FHIT: variants seen among roughly 807,000 people sequenced by gnomAD.
FHIT encodes the protein bis(5'-adenosyl)-triphosphatase.
A neutral mutation model predicts 17.9 loss-of-function variants in FHIT; 19 were observed. That is an observed-to-expected ratio of 1.06 (90% confidence interval 0.74 to 1.56). The LOEUF is 1.56. FHIT is among the 40% of genes most tolerant of loss of function. FHIT has a pLI of 0.00. For missense variants in FHIT, 248 were observed against 189.2 expected (o/e 1.31, Z -1.82); for synonymous variants, 81 against 69.7 (o/e 1.16, Z -0.81).
At chr3:59,968,354 A>G (rs1708025759) in intron 7 of FHIT, among the ~76,000 whole-genome samples, 1 of 152,080 alleles carries the variant, frequency 6.6e-6, no homozygotes, top group Non-Finnish European at 1.5e-5. Context: ...AGAAACCTAT[A>G]TGAACTTTAA....
intron 4 of FHIT, among the ~76,000 whole-genome samples, chr3:60,634,387 C>A (rs1181490430): frequency 1.3e-5 from 2 of 152,196 alleles, no homozygotes; most frequent in Non-Finnish European, 2.9e-5. Flanking sequence ...AAGCAAGAAG[C>A]TGCCCGAGTA....
intron 8 of FHIT, among the ~76,000 whole-genome samples, chr3:59,891,299 C>A (rs1293204009): frequency 6.6e-6 from 1 of 152,150 alleles, no homozygotes; most frequent in African/African-American, 2.4e-5. Flanking sequence ...GGACAACTAA[C>A]CACAAACCAG....
chr3:60,741,055 G>A (rs1272944175), intron 4 of FHIT, among the ~76,000 whole-genome samples: 1 of 152,130 alleles, frequency 6.6e-6, no homozygotes, highest in Non-Finnish European at 1.5e-5. Context: ...ATATATTTTG[G>A]TAGCCTAGAA....
chr3:60,596,272 C>T (rs1030445717), intron 4 of FHIT: 5 of 154,332 alleles, frequency 3.2e-5, no homozygotes, highest in African/African-American at 9.6e-5. Flanking sequence ...AATTCCTCTC[C>T]AAGGTCATTC....
At chr3:59,998,168 G>C (rs1304339201) in intron 7 of FHIT, among the ~76,000 whole-genome samples, 4 of 152,030 alleles carry the variant, frequency 2.6e-5, no homozygotes, top group Admixed American at 2.6e-4. Context: ...TGAGCCAATC[G>C]ACTCCTGAAA....
chr3:61,073,943 AAAAC>A (rs1221790785), intron 2 of FHIT, among the ~76,000 whole-genome samples: 8 of 152,202 alleles, frequency 5.3e-5, no homozygotes, highest in Admixed American at 4.6e-4. Flanking sequence ...AATACAGACT[AAAAC>A]AAAGCAGCGG....
intron 8 of FHIT, among the ~76,000 whole-genome samples, chr3:59,918,848 A>C (rs902086303): frequency 1.6e-4 from 24 of 152,216 alleles, no homozygotes; most frequent in African/African-American, 5.3e-4. Flanking sequence ...AAATCACCAA[A>C]AATACTTTGC....
intron 2 of FHIT, among the ~76,000 whole-genome samples, chr3:61,045,095 T>C (rs1201595753): frequency 6.6e-6 from 1 of 152,176 alleles, no homozygotes; most frequent in East Asian, 1.9e-4. Context: ...AATAACCAGC[T>C]AACATCAAAA....
chr3:60,064,518 T>C (rs1702420433), intron 5 of FHIT, among the ~76,000 whole-genome samples: 1 of 152,174 alleles, frequency 6.6e-6, no homozygotes, highest in African/African-American at 2.4e-5. Context: ...AGTCATTGTA[T>C]CATCCACACC....
chr3:60,882,404 G>A (rs1458495814), intron 3 of FHIT, among the ~76,000 whole-genome samples: 3 of 151,982 alleles, frequency 2.0e-5, no homozygotes, highest in East Asian at 1.9e-4. Flanking sequence ...CTGATACCAA[G>A]CCAGATAAGG....
chr3:60,329,936 A>C (rs925727410), intron 5 of FHIT, among the ~76,000 whole-genome samples: 1 of 152,240 alleles, frequency 6.6e-6, no homozygotes, highest in African/African-American at 2.4e-5. Flanking sequence ...TGTAGAAAAA[A>C]GACAAACAGG....
chr3:60,427,362 G>A (rs1383318004), intron 5 of FHIT, among the ~76,000 whole-genome samples: 3 of 152,016 alleles, frequency 2.0e-5, no homozygotes, highest in Non-Finnish European at 4.4e-5. Flanking sequence ...CCCTAGTCAA[G>A]CAAGCCTCCA....
chr3:60,441,055 T>C (rs2030752412), intron 5 of FHIT, among the ~76,000 whole-genome samples: 1 of 152,160 alleles, frequency 6.6e-6, no homozygotes, highest in Admixed American at 6.6e-5. Flanking sequence ...TTTTTGCTTT[T>C]GTTCTTAGAA....
rs782663413 is a variant in FHIT at position 60,624,895 on chromosome 3, GTTTT to G, written c.-17-87920_-17-87917del. Among the ~76,000 whole-genome samples the G allele has an allele frequency of 2.4e-3, 352 of 148,816 alleles. 3 individuals carry two copies. Among genetic ancestry groups the G allele is most frequent in the South Asian group, 6.7e-3 (32 of 4,744 alleles). ...TGATAAGATATTTGGCTTGTTTCTAGTTTTTTTTTTTGTTTGTTTGTTTGTTTGT... is the reference window on the plus strand; with the variant it reads ...TGATAAGATATTTGGCTTGTTTCTAGTTTTTTTGTTTGTTTGTTTGTTTGT... On this transcript the variant is annotated intron_variant, in intron 4 of 9. Coordinates refer to ENST00000492590, the MANE Select transcript of FHIT (RefSeq NM_002012.4).
intron 2 of FHIT, among the ~76,000 whole-genome samples, chr3:61,123,516 G>A (rs911300869): frequency 5.3e-5 from 8 of 150,552 alleles, no homozygotes; most frequent in Admixed American, 2.0e-4. Flanking sequence ...AAAAGGAGAA[G>A]AACAAAAAAA....
intron 3 of FHIT, among the ~76,000 whole-genome samples, chr3:60,957,401 C>A (rs1709222260): frequency 1.3e-5 from 2 of 152,006 alleles, no homozygotes; most frequent in African/African-American, 4.8e-5. Flanking sequence ...CCACACCTGG[C>A]TAATTTATTG....
intron 5 of FHIT, among the ~76,000 whole-genome samples, chr3:60,485,637 C>T (rs747672825): frequency 2.0e-5 from 3 of 151,786 alleles, no homozygotes; most frequent in Non-Finnish European, 4.4e-5. Flanking sequence ...GAACAACACA[C>T]ACCAAGGCCT....
At chr3:60,873,515 A>G (rs1379028260) in intron 3 of FHIT, among the ~76,000 whole-genome samples, 1 of 152,160 alleles carries the variant, frequency 6.6e-6, no homozygotes, top group Non-Finnish European at 1.5e-5. Context: ...CCCTTCTTCT[A>G]CAGATGGGTT....
At chr3:59,953,480 C>T (rs1707228767) in intron 7 of FHIT, among the ~76,000 whole-genome samples, 1 of 152,168 alleles carries the variant, frequency 6.6e-6, no homozygotes, top group South Asian at 2.1e-4. Flanking sequence ...GCCAGCGCTG[C>T]CCTCTTCTGC....
Sources: gnomAD v4.1 joint callset for allele counts (sites outside exome capture counted in the v4.1 genomes callset) on GRCh38, gnomAD v4.1.1 for gene constraint, MANE v1.5 for transcripts, NCBI Gene and HGNC (gene_info 2026-07-23, HGNC 2026-07-21) for gene names.